The following MED13L variants were observed in gnomAD, a reference collection of about 807,000 sequenced individuals.
MED13L encodes the protein mediator complex subunit 13L.
A neutral mutation model predicts 220.9 loss-of-function variants in MED13L; 7 were observed. The observed-to-expected ratio is 0.03, with a 90% CI of 0.02 to 0.06. The LOEUF (loss-of-function observed/expected upper bound fraction) is 0.06, where lower values mean the gene tolerates loss of function less well. MED13L is among the 10% of genes least tolerant of loss of function. The probability of loss-of-function intolerance (pLI) is 1.00; values close to 1 mark genes in which losing one functional copy is unlikely to be tolerated. For synonymous variants in MED13L, 1,011 were observed against 1,015.2 expected, an observed-to-expected ratio of 1.00 and a Z score of 0.08; for missense variants, 1,965 against 2,760.5, an observed-to-expected ratio of 0.71 and a Z score of 6.46.
At chr12:116,258,725 G>A (rs752502472) in intron 1 of MED13L, among the ~76,000 whole-genome samples, 2 of 148,578 alleles carry the variant, frequency 1.3e-5, no homozygotes, top group East Asian at 2.0e-4. Flanking sequence ...TGCACTGAGC[G>A]AGATTACACC....
At chr12:116,044,836 T>C (rs1234181803) in intron 4 of MED13L, among the ~76,000 whole-genome samples, 2 of 152,192 alleles carry the variant, frequency 1.3e-5, no homozygotes, top group East Asian at 1.9e-4. Context: ...TCAAAAATCA[T>C]CTCATCCCTA....
intron 4 of MED13L, among the ~76,000 whole-genome samples, chr12:116,089,151 T>C (rs932645062): frequency 6.6e-6 from 1 of 152,214 alleles, no homozygotes; most frequent in Admixed American, 6.5e-5. Flanking sequence ...AAATATACAC[T>C]TTCCAGTTAT....
intron 4 of MED13L, among the ~76,000 whole-genome samples, chr12:116,031,146 T>C (rs527689788): frequency 1.3e-5 from 2 of 152,310 alleles, no homozygotes; most frequent in East Asian, 1.9e-4. Flanking sequence ...GATAAAGCAA[T>C]TGTCTTGCTT....
intron 2 of MED13L, among the ~76,000 whole-genome samples, chr12:116,120,755 T>G (rs892821672): frequency 1.3e-5 from 2 of 152,130 alleles, no homozygotes; most frequent in African/African-American, 2.4e-5. Flanking sequence ...CTAATTCTTT[T>G]GATCTTTCCA....
chr12:115,964,984 T>C (rs1365968731), intron 29 of MED13L, among the ~76,000 whole-genome samples: 5 of 152,248 alleles, frequency 3.3e-5, no homozygotes, highest in African/African-American at 1.2e-4. Context: ...TATGCTCATA[T>C]TGATAATTCT....
intron 4 of MED13L, among the ~76,000 whole-genome samples, chr12:116,046,960 G>A (rs1281400389): frequency 6.6e-6 from 1 of 152,016 alleles, no homozygotes; most frequent in Non-Finnish European, 1.5e-5. Context: ...GCGACAGAGT[G>A]AGACTCCCTC....
chr12:116,220,718 CAA>C (rs1883259999), intron 2 of MED13L, among the ~76,000 whole-genome samples: 1 of 152,084 alleles, frequency 6.6e-6, no homozygotes, highest in South Asian at 2.1e-4. Flanking sequence ...GGGCCATAAA[CAA>C]AAGTTTTTTG....
intron 4 of MED13L, among the ~76,000 whole-genome samples, chr12:116,085,146 G>A (rs1037894277): frequency 9.2e-5 from 14 of 152,122 alleles, no homozygotes; most frequent in Non-Finnish European, 1.9e-4. Flanking sequence ...TATGAAGCAC[G>A]TTTAAGATCT....
chr12:116,057,219 G>T (rs1318782728), intron 4 of MED13L, among the ~76,000 whole-genome samples: 2 of 152,112 alleles, frequency 1.3e-5, no homozygotes, highest in South Asian at 4.1e-4. Flanking sequence ...ATAAAATAAA[G>T]TCCTGTGAGG....
At chr12:116,109,525 TA>T (rs987826943) in intron 3 of MED13L, among the ~76,000 whole-genome samples, 1 of 151,418 alleles carries the variant, frequency 6.6e-6, no homozygotes, top group East Asian at 1.9e-4. Context: ...ATCATGATAT[TA>T]AAAAAAAACA....
At chr12:116,255,166 T>C (rs1236296352) in intron 1 of MED13L, among the ~76,000 whole-genome samples, 1 of 152,228 alleles carries the variant, frequency 6.6e-6, no homozygotes, top group African/African-American at 2.4e-5. Flanking sequence ...ATCATCATAG[T>C]GTAGTACTGG....
intron 1 of MED13L, among the ~76,000 whole-genome samples, chr12:116,259,044 T>C (rs533706861): frequency 4.8e-4 from 73 of 152,254 alleles, no homozygotes; most frequent in African/African-American, 1.7e-3. Flanking sequence ...TTAAACTGTT[T>C]ATAGCTATAG....
intron 4 of MED13L, among the ~76,000 whole-genome samples, chr12:116,040,544 C>G (rs1222988269): frequency 6.6e-6 from 1 of 152,144 alleles, no homozygotes; most frequent in Non-Finnish European, 1.5e-5. Context: ...CATTGCCTTT[C>G]TTTGGATCAG....
At chr12:116,213,073 C>T (rs1018945685) in intron 2 of MED13L, among the ~76,000 whole-genome samples, 4 of 152,124 alleles carry the variant, frequency 2.6e-5, no homozygotes, top group South Asian at 4.1e-4. Flanking sequence ...CACTTATAAA[C>T]GAAGCATAAA....
rs1873949778 is a variant in MED13L at position 116,277,268 on chromosome 12, G to A, written c.-137C>T. The A allele has an allele frequency of 1.5e-5, 1 of 68,212 alleles. No individual in the cohort carries two copies. The highest frequency in any genetic ancestry group is 5.2e-4 in the African/African-American group (1 of 1,922). 4.2% of individuals were successfully genotyped at this position (68,212 alleles called of 1,614,324 possible). On this transcript the variant is annotated 5_prime_UTR_variant, in exon 1 of 31. Transcript: ENST00000281928. ...CGCCGCCGCCGGGGGAGGGCGCGAG[G>A]GCCGGCGGGCAGGCGGGAGGCGCCG...
At position 115,959,082 on chromosome 12, in the gene MED13L, TCA is replaced by T. The variant is rs1273458094; in HGVS notation, c.*2182_*2183del. 6.6e-6 allele frequency: 1 copy of T among 152,520 alleles called. No individual in the cohort carries two copies. Among genetic ancestry groups the T allele is most frequent in the Non-Finnish European group, 1.5e-5 (1 of 68,020 alleles). The allele number at this position is 152,520 out of a possible 1,614,324, so 9.4% of individuals were successfully genotyped here. Reference sequence around the variant, plus strand: ...ATTTCAGATTAATTCAGTAAAAAACTCACAAGTAAAATAATGCATATTTAAGG... The same window carrying T: ...ATTTCAGATTAATTCAGTAAAAAACTCAAGTAAAATAATGCATATTTAAGG... On this transcript the variant is annotated 3_prime_UTR_variant, in exon 31 of 31. Coordinates refer to ENST00000281928, the MANE Select transcript of MED13L (RefSeq NM_015335.5).
intron 2 of MED13L, among the ~76,000 whole-genome samples, chr12:116,184,593 T>G (rs192349798): frequency 6.6e-6 from 1 of 152,200 alleles, no homozygotes; most frequent in African/African-American, 2.4e-5. Context: ...ATAAATCATT[T>G]ATCCAACCTA....
intron 5 of MED13L, among the ~76,000 whole-genome samples, chr12:116,021,635 A>C (rs952371834): frequency 2.6e-5 from 4 of 152,200 alleles, no homozygotes; most frequent in Non-Finnish European, 5.9e-5. Flanking sequence ...ATTTTAGTCA[A>C]GTCTGTTAAA....
chr12:116,111,924 A>T (rs1874125915), intron 2 of MED13L, among the ~76,000 whole-genome samples: 1 of 152,196 alleles, frequency 6.6e-6, no homozygotes, highest in Admixed American at 6.5e-5. Flanking sequence ...TTTTAGAGGG[A>T]AAATCAAGAG....
Sources: allele counts gnomAD v4.1 joint callset (sites outside exome capture counted in the v4.1 genomes callset), GRCh38; gene constraint gnomAD v4.1.1; transcripts MANE v1.5; gene names NCBI Gene and HGNC (gene_info 2026-07-23, HGNC 2026-07-21).